The following ADAMTS6 variants were observed in gnomAD, a reference collection of about 807,000 sequenced individuals.
ADAMTS6 encodes A disintegrin and metalloproteinase with thrombospondin motifs 6.
In ADAMTS6, 23 loss-of-function variants were observed where a neutral mutation model predicts 144.3. That is an observed-to-expected ratio of 0.16 (90% confidence interval 0.11 to 0.23). ADAMTS6 has a LOEUF of 0.23. Among genes scored for constraint, ADAMTS6 ranks in the 10% least tolerant of loss-of-function variants. The pLI, the probability that ADAMTS6 is intolerant of heterozygous loss-of-function variation, is 1.00. For missense variants in ADAMTS6, 999 were observed against 1,379.6 expected (o/e 0.72, Z 4.37); for synonymous variants, 444 against 457.5 (o/e 0.97, Z 0.38).
At chr5:65,251,022 A>G (rs1760113608) in intron 14 of ADAMTS6, 1 of 152,236 alleles carries the variant, frequency 6.6e-6, no homozygotes, top group Non-Finnish European at 1.5e-5. Flanking sequence ...TCTGCATGAT[A>G]GTTTTAGGTC....
chr5:65,381,518 G>A (rs1280639453), intron 7 of ADAMTS6, among the ~76,000 whole-genome samples: 8 of 146,612 alleles, frequency 5.5e-5, no homozygotes, highest in East Asian at 2.0e-4. Flanking sequence ...ATGGATCACC[G>A]TGCCTGGCTA....
At chr5:65,170,553 G>T in intron 24 of ADAMTS6, 64 bp downstream of exon 24, 1 of 1,573,198 alleles carries the variant, frequency 6.4e-7, no homozygotes, top group South Asian at 1.2e-5. Context: ...GTGCTCTTCA[G>T]ACCCTGGGAA....
At chr5:65,171,656 T>G (rs1429845477) in intron 23 of ADAMTS6, among the ~76,000 whole-genome samples, 1 of 152,114 alleles carries the variant, frequency 6.6e-6, no homozygotes, top group Non-Finnish European at 1.5e-5. Context: ...ATTAAACTAT[T>G]AGTTCAGTGT....
intron 7 of ADAMTS6, among the ~76,000 whole-genome samples, chr5:65,367,636 C>G (rs1750423802): frequency 6.6e-6 from 1 of 152,118 alleles, no homozygotes; most frequent in Admixed American, 6.5e-5. Context: ...CAACCTGGAA[C>G]AACTCCAAAC....
intron 10 of ADAMTS6, among the ~76,000 whole-genome samples, chr5:65,294,291 C>A (rs752095760): frequency 1.1e-4 from 17 of 152,192 alleles, no homozygotes; most frequent in Non-Finnish European, 1.0e-4. Flanking sequence ...ATGATCACAG[C>A]TAACCGCAGC....
At chr5:65,289,904 T>C (rs539728715) in intron 11 of ADAMTS6, among the ~76,000 whole-genome samples, 1 of 152,314 alleles carries the variant, frequency 6.6e-6, no homozygotes, top group South Asian at 2.1e-4. Flanking sequence ...TCCGTAAGTA[T>C]ATATAGAAAG....
chr5:65,211,104 G>A (rs1016665623), intron 20 of ADAMTS6, among the ~76,000 whole-genome samples: 1 of 152,218 alleles, frequency 6.6e-6, no homozygotes, highest in African/African-American at 2.4e-5. Flanking sequence ...AGGAGAAGAT[G>A]ACTCTGGCTT....
At chr5:65,308,477 A>G (rs1056892292) in intron 9 of ADAMTS6, among the ~76,000 whole-genome samples, 3 of 151,958 alleles carry the variant, frequency 2.0e-5, no homozygotes, top group African/African-American at 4.8e-5. Context: ...CTGGTAATCA[A>G]TTTTTTTCAT....
intron 11 of ADAMTS6, among the ~76,000 whole-genome samples, chr5:65,289,930 C>T (rs990613617): frequency 6.6e-5 from 10 of 152,170 alleles, no homozygotes; most frequent in Non-Finnish European, 1.0e-4. Flanking sequence ...GATTAAAGTT[C>T]GACTGACTTT....
chr5:65,266,523 G>A (rs1456150571), intron 12 of ADAMTS6, among the ~76,000 whole-genome samples: 1 of 151,864 alleles, frequency 6.6e-6, no homozygotes, highest in Non-Finnish European at 1.5e-5. Context: ...TAGTTAACTA[G>A]CTAACAAGTT....
intron 7 of ADAMTS6, among the ~76,000 whole-genome samples, chr5:65,437,334 T>C (rs1412067047): frequency 6.6e-6 from 1 of 152,130 alleles, no homozygotes; most frequent in Non-Finnish European, 1.5e-5. Flanking sequence ...GACCTCGTGA[T>C]CCACCTACCT....
intron 4 of ADAMTS6, among the ~76,000 whole-genome samples, chr5:65,456,969 C>G (rs1406844728): frequency 6.6e-6 from 1 of 152,158 alleles, no homozygotes; most frequent in African/African-American, 2.4e-5. Context: ...TTGACATAAA[C>G]TTGAATTCCA....
intron 15 of ADAMTS6, among the ~76,000 whole-genome samples, chr5:65,237,174 C>T (rs566317439): frequency 6.6e-6 from 1 of 151,716 alleles, no homozygotes; most frequent in East Asian, 1.9e-4. Flanking sequence ...TTGAAGAATC[C>T]CTTGAGCTTA....
intron 7 of ADAMTS6, among the ~76,000 whole-genome samples, chr5:65,389,190 C>G (rs1752716027): frequency 6.6e-6 from 1 of 150,424 alleles, no homozygotes; most frequent in Admixed American, 6.6e-5. Flanking sequence ...GGCGACAGAG[C>G]GAGACTCCAT....
intron 20 of ADAMTS6, chr5:65,210,648 T>C: frequency 1.6e-6 from 1 of 618,324 alleles, no homozygotes; most frequent in Non-Finnish European, 3.0e-6. Context: ...TCCCTCACAG[T>C]ACCAAACAAT....
At chr5:65,448,397 ACCTTT>A (rs1479294078) in intron 7 of ADAMTS6, among the ~76,000 whole-genome samples, 1 of 152,030 alleles carries the variant, frequency 6.6e-6, no homozygotes, top group African/African-American at 2.4e-5. Flanking sequence ...TTCTGCATAA[ACCTTT>A]GAGTCCCTGG....
At chr5:65,260,773 A>C (rs1016717038) in intron 13 of ADAMTS6, 110 bp from the exon 14 acceptor site, 28 of 711,156 alleles carry the variant, frequency 3.9e-5, no homozygotes, top group African/African-American at 3.6e-4. Context: ...AAAATATATC[A>C]TTTGACATGT....
At chr5:65,244,434 G>A (rs1759459549) in intron 14 of ADAMTS6, among the ~76,000 whole-genome samples, 1 of 151,986 alleles carries the variant, frequency 6.6e-6, no homozygotes, top group Non-Finnish European at 1.5e-5. Flanking sequence ...TCTCCTAAAT[G>A]GAAGAAAAAT....
chr5:65,452,083 C>A, intron 6 of ADAMTS6, 50 bp downstream of exon 6: 3 of 1,350,230 alleles, frequency 2.2e-6, no homozygotes, highest in South Asian at 1.4e-5. Flanking sequence ...TTCTATAGCT[C>A]TATAGCCTTC....
Sources: gnomAD v4.1 joint callset for allele counts (sites outside exome capture counted in the v4.1 genomes callset) on GRCh38, gnomAD v4.1.1 for gene constraint, MANE v1.5 for transcripts, NCBI Gene and HGNC (gene_info 2026-07-23, HGNC 2026-07-21) for gene names.